Variants in RFC3 observed in about 807,000 individuals in gnomAD.
The protein encoded by RFC3 is A1 38 kDa subunit.
A neutral mutation model predicts 45.1 loss-of-function variants in RFC3; 41 were observed. That is an observed-to-expected ratio of 0.91 (90% CI 0.71 to 1.18). RFC3 has a LOEUF of 1.18. Among genes scored for constraint, RFC3 ranks in the 50% most tolerant of loss-of-function variants. The pLI is 0.00. For missense variants in RFC3, 423 were observed against 428.1 expected (o/e 0.99, Z 0.10); for synonymous variants, 149 against 144.0 (o/e 1.03, Z -0.25).
intron 8 of RFC3, among the ~76,000 whole-genome samples, chr13:33,904,959 A>T (rs538085500): frequency 6.6e-6 from 1 of 152,120 alleles, no homozygotes; most frequent in African/African-American, 2.4e-5. Flanking sequence ...TGTAGAGAAA[A>T]ACAATGGAAT....
At chr13:33,835,102 A>T (rs780525457) in intron 7 of RFC3, 46 bp from the exon 8 acceptor site, 1 of 1,266,728 alleles carries the variant, frequency 7.9e-7, no homozygotes, top group Non-Finnish European at 1.1e-6. Context: ...TGGAAAAATT[A>T]CCTCTTATTT....
At chr13:33,927,910 A>C (rs948570247) in intron 8 of RFC3, among the ~76,000 whole-genome samples, 2 of 152,248 alleles carry the variant, frequency 1.3e-5, no homozygotes, top group East Asian at 3.9e-4. Flanking sequence ...GTAGAATAGA[A>C]GCTCTAGGGA....
intron 8 of RFC3, among the ~76,000 whole-genome samples, chr13:33,885,161 C>T (rs1283129528): frequency 6.6e-6 from 1 of 152,130 alleles, no homozygotes; most frequent in Non-Finnish European, 1.5e-5. Flanking sequence ...CAGAATTTAA[C>T]TCTATGTTAT....
At chr13:33,893,405 C>A (rs1299657465) in intron 8 of RFC3, among the ~76,000 whole-genome samples, 2 of 152,106 alleles carry the variant, frequency 1.3e-5, no homozygotes, top group South Asian at 4.2e-4. Flanking sequence ...CCAAAAATAT[C>A]TAGACAAAGA....
At chr13:33,931,555 A>G (rs1183510909) in intron 8 of RFC3, among the ~76,000 whole-genome samples, 1 of 152,112 alleles carries the variant, frequency 6.6e-6, no homozygotes, top group African/African-American at 2.4e-5. Flanking sequence ...ACAGGAGACC[A>G]AAATTACTGT....
chr13:33,851,338 T>C (rs926197070), intron 8 of RFC3, among the ~76,000 whole-genome samples: 2 of 152,124 alleles, frequency 1.3e-5, no homozygotes, highest in Admixed American at 1.3e-4. Flanking sequence ...AAAATCAACA[T>C]AGAACTTTTG....
chr13:33,885,981 A>G (rs1290976934), intron 8 of RFC3, among the ~76,000 whole-genome samples: 3 of 151,932 alleles, frequency 2.0e-5, no homozygotes, highest in Admixed American at 2.0e-4. Flanking sequence ...ATACAGGTAG[A>G]TTTTCTGGGT....
intron 8 of RFC3, among the ~76,000 whole-genome samples, chr13:33,860,392 A>G (rs1028995125): frequency 3.3e-5 from 5 of 152,134 alleles, no homozygotes; most frequent in African/African-American, 7.2e-5. Context: ...ATGACTGCAC[A>G]AACACATTTA....
chr13:33,923,945 T>G (rs989475563), intron 8 of RFC3, among the ~76,000 whole-genome samples: 3 of 152,126 alleles, frequency 2.0e-5, no homozygotes, highest in East Asian at 3.9e-4. Context: ...GAGCTGGAGT[T>G]ATCTCTGAAG....
chr13:33,870,092 T>C (rs2082397778), intron 8 of RFC3, among the ~76,000 whole-genome samples: 1 of 152,216 alleles, frequency 6.6e-6, no homozygotes, highest in African/African-American at 2.4e-5. Context: ...AAAGGTGTGC[T>C]CGGAATATTT....
intron 7 of RFC3, among the ~76,000 whole-genome samples, chr13:33,834,287 C>T (rs1158900005): frequency 3.3e-5 from 3 of 91,630 alleles, no homozygotes; most frequent in African/African-American, 1.6e-4. Context: ...TATGGAACAT[C>T]TGTACTGTGT....
chr13:33,969,055 A>C (rs2083100193), downstream of RFC3, among the ~76,000 whole-genome samples: 1 of 152,228 alleles, frequency 6.6e-6, no homozygotes, highest in Admixed American at 6.5e-5. Context: ...CCTAGCAAGA[A>C]GTTACACACG....
chr13:33,964,274 A>G (rs2137874324), intron 8 of RFC3, among the ~76,000 whole-genome samples: 2 of 152,318 alleles, frequency 1.3e-5, no homozygotes, highest in South Asian at 4.2e-4. Context: ...GAGATAGAAA[A>G]TGGGTATTCC....
At chr13:33,861,438 G>A (rs912003429) in intron 8 of RFC3, among the ~76,000 whole-genome samples, 4 of 152,084 alleles carry the variant, frequency 2.6e-5, no homozygotes, top group African/African-American at 9.7e-5. Context: ...GACCAGCCTG[G>A]CCAACATGCC....
chr13:33,939,022 A>G (rs2082906919), intron 8 of RFC3, among the ~76,000 whole-genome samples: 2 of 152,136 alleles, frequency 1.3e-5, no homozygotes, highest in African/African-American at 4.8e-5. Flanking sequence ...GATTAATAAA[A>G]TTGAGCATCT....
At chr13:33,925,159 CAT>C (rs1314840688) in intron 8 of RFC3, among the ~76,000 whole-genome samples, 30 of 142,752 alleles carry the variant, frequency 2.1e-4, no homozygotes, top group African/African-American at 7.5e-4. Context: ...TATACATACA[CAT>C]ATAGTGTACT....
intron 8 of RFC3, among the ~76,000 whole-genome samples, chr13:33,965,369 C>T (rs1016384788): frequency 6.6e-6 from 1 of 152,000 alleles, no homozygotes; most frequent in African/African-American, 2.4e-5. Flanking sequence ...ACACAAATAC[C>T]ATTGCCAAGA....
chr13:33,887,529 A>G (rs2082533976), intron 8 of RFC3, among the ~76,000 whole-genome samples: 1 of 151,932 alleles, frequency 6.6e-6, no homozygotes, highest in South Asian at 2.1e-4. Flanking sequence ...TAGATTCTGG[A>G]TATTAGCCCT....
chr13:33,842,201 T>C (rs1334461226), downstream of RFC3, among the ~76,000 whole-genome samples: 1 of 151,910 alleles, frequency 6.6e-6, no homozygotes, highest in Non-Finnish European at 1.5e-5. Flanking sequence ...GGTGGGAGGA[T>C]TACTTGAATC....
Sources: allele counts gnomAD v4.1 joint callset (sites outside exome capture counted in the v4.1 genomes callset), GRCh38; gene constraint gnomAD v4.1.1; transcripts MANE v1.5; gene names NCBI Gene and HGNC (gene_info 2026-07-23, HGNC 2026-07-21).